Variants in GPC5 observed in about 807,000 individuals in gnomAD.
The protein encoded by GPC5 is glypican 5, also known as glypican-5.
A neutral mutation model predicts 53.9 loss-of-function variants in GPC5; 47 were observed. The observed-to-expected ratio is 0.87, with a 90% CI of 0.69 to 1.11. GPC5 has a LOEUF of 1.11. Among genes scored for constraint, GPC5 ranks in the 50% most tolerant of loss-of-function variants. The probability of loss-of-function intolerance (pLI) is 0.00; values close to 1 mark genes in which losing one functional copy is unlikely to be tolerated. For missense variants in GPC5, 748 were observed against 713.1 expected (o/e 1.05, Z -0.56); for synonymous variants, 286 against 263.3 (o/e 1.09, Z -0.84).
intron 2 of GPC5, among the ~76,000 whole-genome samples, chr13:91,601,591 G>C (rs575365388): frequency 6.6e-6 from 1 of 152,060 alleles, no homozygotes; most frequent in Non-Finnish European, 1.5e-5. Context: ...TGTCAGATTA[G>C]TGGTGGTATT....
At chr13:92,121,926 G>A (rs9523511) in intron 6 of GPC5, among the ~76,000 whole-genome samples, 3,349 of 152,238 alleles carry the variant, frequency 0.022, 42 homozygotes, top group Non-Finnish European at 0.033. Context: ...TGGAATGAAC[G>A]TAAGGATATT....
chr13:92,718,790 T>C (rs1463264987), intron 7 of GPC5, among the ~76,000 whole-genome samples: 1 of 151,692 alleles, frequency 6.6e-6, no homozygotes, highest in Non-Finnish European at 1.5e-5. Context: ...GGAGAATTGC[T>C]TGAGCCTTGA....
At chr13:91,427,758 C>G (rs1454597938) in intron 1 of GPC5, among the ~76,000 whole-genome samples, 1 of 152,008 alleles carries the variant, frequency 6.6e-6, no homozygotes, top group Non-Finnish European at 1.5e-5. Context: ...TGGCTGTGTC[C>G]CCACCTAAAA....
chr13:92,419,446 A>T (rs1876463740), intron 7 of GPC5, among the ~76,000 whole-genome samples: 1 of 152,178 alleles, frequency 6.6e-6, no homozygotes, highest in African/African-American at 2.4e-5. Flanking sequence ...TTTCAGATTA[A>T]TCGTGATCCT....
chr13:92,722,490 T>G (rs2139288578), intron 7 of GPC5, among the ~76,000 whole-genome samples: 1 of 151,960 alleles, frequency 6.6e-6, no homozygotes, highest in Non-Finnish European at 1.5e-5. Context: ...TCCAGAGAAC[T>G]TTATGAAATC....
intron 5 of GPC5, among the ~76,000 whole-genome samples, chr13:91,816,371 T>C (rs1294017912): frequency 6.6e-6 from 1 of 152,172 alleles, no homozygotes; most frequent in African/African-American, 2.4e-5. Flanking sequence ...AAGGAGATGG[T>C]ACTTCAGCAG....
chr13:92,443,895 T>A (rs1468609007), intron 7 of GPC5, among the ~76,000 whole-genome samples: 2 of 152,074 alleles, frequency 1.3e-5, no homozygotes, highest in Non-Finnish European at 2.9e-5. Context: ...CAAAGAAAAA[T>A]GTTCTTGATC....
intron 2 of GPC5, among the ~76,000 whole-genome samples, chr13:91,476,307 T>C (rs1457179000): frequency 6.6e-6 from 1 of 152,144 alleles, no homozygotes; most frequent in Non-Finnish European, 1.5e-5. Context: ...CTTGTGCTGA[T>C]AATCTTCGAA....
At chr13:91,871,150 A>G (rs536376132) in intron 5 of GPC5, among the ~76,000 whole-genome samples, 1 of 152,348 alleles carries the variant, frequency 6.6e-6, no homozygotes, top group East Asian at 1.9e-4. Flanking sequence ...ACAGCATGTC[A>G]GTACTCAAAA....
At chr13:92,361,247 G>A (rs193007960) in intron 7 of GPC5, among the ~76,000 whole-genome samples, 11 of 151,834 alleles carry the variant, frequency 7.2e-5, no homozygotes, top group Admixed American at 7.2e-4. Context: ...ACATGCCACA[G>A]CTTGAAACAT....
chr13:92,604,210 T>G lies in GPC5; in HGVS notation c.1562-262072T>G, dbSNP rs960631843. ...TACAGGAATTCACTTCAAGGTAAAC[T>G]TTTTGAGAACATTTCTTTTGGATAA... is the stretch of plus-strand genomic sequence containing the variant. On this transcript the variant is annotated intron_variant, in intron 7 of 7. Transcript: ENST00000377067. Among the ~76,000 whole-genome samples the G allele has an allele frequency of 1.9e-4, 29 of 152,156 alleles. 1 individual carries two copies. Among genetic ancestry groups the G allele is most frequent in the Admixed American group, 7.9e-4 (12 of 15,282 alleles).
chr13:92,753,025 C>A (rs1472689690), intron 7 of GPC5, among the ~76,000 whole-genome samples: 4 of 152,220 alleles, frequency 2.6e-5, no homozygotes, highest in Admixed American at 2.6e-4. Flanking sequence ...GTAGGCTCCA[C>A]CTCTGGGGGC....
At chr13:91,677,277 C>T (rs1340383373) in intron 2 of GPC5, among the ~76,000 whole-genome samples, 1 of 152,132 alleles carries the variant, frequency 6.6e-6, no homozygotes, top group Non-Finnish European at 1.5e-5. Context: ...CTAAATGATA[C>T]TTGGTACTTT....
chr13:92,591,768 C>T (rs1883719030), intron 7 of GPC5, among the ~76,000 whole-genome samples: 1 of 152,134 alleles, frequency 6.6e-6, no homozygotes. Context: ...CCACCCTAGC[C>T]ATTGGTAACC....
chr13:92,679,855 C>G (rs532759514), intron 7 of GPC5, among the ~76,000 whole-genome samples: 13 of 152,222 alleles, frequency 8.5e-5, no homozygotes, highest in Non-Finnish European at 1.2e-4. Flanking sequence ...CTCTCTCACT[C>G]CTGCGCTCTC....
chr13:91,685,930 T>TA (rs34313349), intron 2 of GPC5, among the ~76,000 whole-genome samples: 2,413 of 142,222 alleles, frequency 0.017, 50 homozygotes, highest in African/African-American at 0.052. Flanking sequence ...ATGAATTAAC[T>TA]AAAAAAAAAA....
rs905713437 is a variant in GPC5 at position 92,277,270 on chromosome 13, A to G, written c.1561+132281A>G. 2.0e-5 allele frequency among the ~76,000 whole-genome samples: 3 copies of G among 152,178 alleles called. No individual in the cohort carries two copies. The South Asian group carries it at 6.2e-4, about 32-fold the overall frequency. On this transcript the variant is annotated intron_variant, in intron 7 of 7. Coordinates refer to ENST00000377067, the MANE Select transcript of GPC5 (RefSeq NM_004466.6). The stretch of plus-strand genomic sequence containing the variant: ...TTTTGAGAAGCAGAGAAGAAGGGAA[A>G]GTCTAAGATTGTGCTGAGGTTTCTG...
chr13:92,431,484 T>C (rs917052717), intron 7 of GPC5, among the ~76,000 whole-genome samples: 7 of 151,096 alleles, frequency 4.6e-5, no homozygotes, highest in African/African-American at 1.7e-4. Flanking sequence ...AAAGGTTCTA[T>C]AGGAAAAGCA....
chr13:92,256,837 C>T (rs1049543424), intron 7 of GPC5, among the ~76,000 whole-genome samples: 25 of 151,166 alleles, frequency 1.7e-4, no homozygotes, highest in African/African-American at 5.6e-4. Context: ...TTTGTTTGAC[C>T]TTTCTTTTGT....
Sources: allele counts gnomAD v4.1 joint callset (sites outside exome capture counted in the v4.1 genomes callset), GRCh38; gene constraint gnomAD v4.1.1; transcripts MANE v1.5; gene names NCBI Gene and HGNC (gene_info 2026-07-23, HGNC 2026-07-21).